RAB3GAP1: variants seen among roughly 807,000 people sequenced by gnomAD.
RAB3GAP1 encodes the protein rab3 GTPase-activating protein catalytic subunit.
Under a neutral mutation model 130.7 loss-of-function variants are expected in RAB3GAP1, and 86 were observed. The ratio of observed to expected loss-of-function variants is 0.66; its 90% CI spans 0.55 to 0.79. RAB3GAP1 has a LOEUF of 0.79. Ranked by LOEUF, RAB3GAP1 falls within the 30% of genes least tolerant of loss-of-function variation. The probability of loss-of-function intolerance (pLI) is 0.00; values close to 1 mark genes in which losing one functional copy is unlikely to be tolerated. For synonymous variants in RAB3GAP1, 367 were observed against 401.7 expected, an observed-to-expected ratio of 0.91 and a Z score of 1.03; for missense variants, 1,029 against 1,169.4, an observed-to-expected ratio of 0.88 and a Z score of 1.75.
At chr2:135,156,666 C>T (rs946064877) in intron 19 of RAB3GAP1, among the ~76,000 whole-genome samples, 6 of 152,060 alleles carry the variant, frequency 3.9e-5, no homozygotes, top group African/African-American at 1.4e-4. Flanking sequence ...AAACTTTAGT[C>T]CTAAACACAG....
At chr2:135,121,684 A>G (rs1041830277) in intron 8 of RAB3GAP1, among the ~76,000 whole-genome samples, 21 of 152,206 alleles carry the variant, frequency 1.4e-4, no homozygotes, top group African/African-American at 4.6e-4. Flanking sequence ...TTTTTAATCT[A>G]CTTCTCCTAA....
rs148539242 is a variant in RAB3GAP1 at position 135,099,465 on chromosome 2, G to GTA, written c.362+5774_362+5775dup. The stretch of plus-strand genomic sequence containing the variant: ...TGTGTGTGTGTGTGTGTGTGTGTGT[G>GTA]TATGTATGTGTATTGCTGTATTTGA... On this transcript the variant is annotated intron_variant, in intron 5 of 23. Transcript: ENST00000264158. 2.3e-4 allele frequency among the ~76,000 whole-genome samples: 33 copies of GTA among 146,542 alleles called. 1 individual carries two copies. Among genetic ancestry groups the GTA allele is most frequent in the Admixed American group, 6.9e-4 (10 of 14,482 alleles).
rs111925495 is a variant in RAB3GAP1 at position 135,120,996 on chromosome 2, A to G, written c.748+78A>G. The G allele has an allele frequency of 2.4e-4, 255 of 1,063,320 alleles. No homozygotes were observed. The African/African-American group carries it at 3.4e-3, about 14-fold the overall frequency. 65.9% of individuals were successfully genotyped at this position (1,063,320 alleles called of 1,614,324 possible). A position where few individuals can be genotyped will look rare whatever the true frequency, so the allele number is the denominator to read the frequency against. ...ATACATTCAGAAATTAAAATTACTT[A>G]ACAAGAGTTTCAAGTGTTTTACATT... is the stretch of plus-strand genomic sequence containing the variant. On this transcript the variant is annotated intron_variant, in intron 8 of 23. Transcript: ENST00000264158.
chr2:135,068,768 A>G (rs1689391171), intron 3 of RAB3GAP1, among the ~76,000 whole-genome samples: 1 of 152,166 alleles, frequency 6.6e-6, no homozygotes, highest in South Asian at 2.1e-4. Context: ...ACAAAACAAA[A>G]CAAAACAATC....
intron 3 of RAB3GAP1, among the ~76,000 whole-genome samples, chr2:135,062,952 T>C (rs1263072387): frequency 6.6e-6 from 1 of 152,260 alleles, no homozygotes. Flanking sequence ...TTAATAATTA[T>C]GTTGCACACA....
rs569720156 is a variant in RAB3GAP1 at position 135,160,096 on chromosome 2, A to G, written c.2290-2459A>G. 2.0e-5 allele frequency among the ~76,000 whole-genome samples: 3 copies of G among 152,330 alleles called. No individual in the cohort carries two copies. The East Asian group carries it at 5.8e-4, about 29-fold the overall frequency. ...ATGGTGATGGTAACATAACCTTGCA[A>G]ATATGCTAAAAACCACTGAAGTTAT... On this transcript the variant is annotated intron_variant, in intron 19 of 23. Transcript: ENST00000264158.
chr2:135,132,787 A>G (rs1691584370), intron 13 of RAB3GAP1, 108 bp from the exon 14 acceptor site: 2 of 713,706 alleles, frequency 2.8e-6, no homozygotes, highest in African/African-American at 3.5e-5. Context: ...TTCTATTGTT[A>G]GAGCAGCAAA....
downstream of RAB3GAP1, chr2:135,175,322 A>T (rs1692977881): frequency 6.6e-6 from 1 of 152,254 alleles, no homozygotes; most frequent in Non-Finnish European, 1.5e-5. Context: ...TTGTGTGTTT[A>T]TCAGCTCCCC....
intron 16 of RAB3GAP1, 32 bp downstream of exon 16, chr2:135,135,351 G>C: frequency 6.4e-7 from 1 of 1,554,920 alleles, no homozygotes; most frequent in Non-Finnish European, 8.9e-7. Flanking sequence ...GGATAAATGT[G>C]GTCTTGATTT....
At chr2:135,094,181 C>CA (rs1357854291) in intron 5 of RAB3GAP1, among the ~76,000 whole-genome samples, 2 of 152,282 alleles carry the variant, frequency 1.3e-5, no homozygotes, top group South Asian at 4.1e-4. Context: ...GAACCCTCCC[C>CA]AAATCCCATT....
intron 23 of RAB3GAP1, chr2:135,167,681 C>T: frequency 6.7e-7 from 1 of 1,489,568 alleles, no homozygotes; most frequent in Non-Finnish European, 9.1e-7. Flanking sequence ...TCTTTTCTTA[C>T]CCCTTCTCAA....
chr2:135,126,024 T>C (rs1288832895), intron 9 of RAB3GAP1, among the ~76,000 whole-genome samples, 157 bp from the exon 10 acceptor site: 1 of 152,234 alleles, frequency 6.6e-6, no homozygotes, highest in Non-Finnish European at 1.5e-5. Context: ...TTCATAAGGA[T>C]GTGCTACCAT....
chr2:135,100,378 C>T (rs1291447147), intron 5 of RAB3GAP1, among the ~76,000 whole-genome samples: 1 of 152,222 alleles, frequency 6.6e-6, no homozygotes, highest in Admixed American at 6.5e-5. Flanking sequence ...AGCTGATCAT[C>T]CCCTGGTATT....
intron 3 of RAB3GAP1, among the ~76,000 whole-genome samples, chr2:135,083,776 T>TG (rs1014490769): frequency 6.7e-6 from 1 of 149,966 alleles, no homozygotes; most frequent in Non-Finnish European, 1.5e-5. Flanking sequence ...GGTTTTTTTT[T>TG]TTTTTTTTTT....
In RAB3GAP1 at chr2:135,162,641, A is replaced by G; in HGVS notation, c.2376A>G (p.Val792=). The G allele has an allele frequency of 1.9e-6, 3 of 1,613,828 alleles. No individual in the cohort carries two copies. The Admixed American group carries it at 5.0e-5, about 27-fold the overall frequency. Residue 792 remains valine, a synonymous_variant, in exon 20 of 24, where the codon GTA becomes GTG. Transcript: ENST00000264158. ...TGATTCATGCAGCTGTACTCAAGGTAAAGGAAGAAGGTAAATGTCATATTT... is the reference window on the plus strand; with the variant it reads ...TGATTCATGCAGCTGTACTCAAGGTGAAGGAAGAAGGTAAATGTCATATTT... ...PCVIHAAVLK[V]KEEESLENIS... is the part of the protein sequence containing the mutation.
At chr2:135,127,803 G>A (rs1163805956) in intron 11 of RAB3GAP1, among the ~76,000 whole-genome samples, 1 of 152,168 alleles carries the variant, frequency 6.6e-6, no homozygotes, top group Non-Finnish European at 1.5e-5. Context: ...GAAGTACTTT[G>A]AAAAATATTA....
chr2:135,063,825 T>A (rs1313216958), intron 3 of RAB3GAP1, among the ~76,000 whole-genome samples: 1 of 152,214 alleles, frequency 6.6e-6, no homozygotes, highest in Non-Finnish European at 1.5e-5. Context: ...TCAGTTCTTT[T>A]AGGTTTATAC....
intron 7 of RAB3GAP1, among the ~76,000 whole-genome samples, chr2:135,120,235 A>G (rs964663300): frequency 9.2e-5 from 14 of 152,234 alleles, no homozygotes; most frequent in Non-Finnish European, 2.9e-5. Flanking sequence ...AGTAAAAGAT[A>G]CTTTAAAGAG....
intron 14 of RAB3GAP1, 147 bp downstream of exon 14, chr2:135,133,131 A>G: frequency 1.6e-6 from 1 of 632,530 alleles, no homozygotes; most frequent in South Asian, 1.8e-5. Flanking sequence ...GTTTCCACTT[A>G]GATAACTAGC....
Sources: allele counts gnomAD v4.1 joint callset (sites outside exome capture counted in the v4.1 genomes callset), GRCh38; gene constraint gnomAD v4.1.1; transcripts MANE v1.5; gene names NCBI Gene and HGNC (gene_info 2026-07-23, HGNC 2026-07-21).